The following PSTPIP2 variants were observed in gnomAD, a reference collection of about 807,000 sequenced individuals.
PSTPIP2 encodes proline-serine-threonine phosphatase-interacting protein 2.
In PSTPIP2, 33 loss-of-function variants were observed where a neutral mutation model predicts 63.3. The observed-to-expected ratio is 0.52, with a 90% CI of 0.40 to 0.70. The LOEUF is 0.70. Ranked by LOEUF, PSTPIP2 falls within the 30% of genes least tolerant of loss-of-function variation. PSTPIP2 has a pLI of 0.00. For missense variants in PSTPIP2, 312 were observed against 400.7 expected (o/e 0.78, Z 1.89); for synonymous variants, 125 against 132.7 (o/e 0.94, Z 0.40).
chr18:45,993,280 A>G (rs1047353567), intron 10 of PSTPIP2, among the ~76,000 whole-genome samples: 4 of 151,910 alleles, frequency 2.6e-5, no homozygotes, highest in African/African-American at 9.7e-5. Context: ...TTTTTAGTAG[A>G]GACGGAGTTT....
At chr18:45,988,138 G>C (rs1040648165) in intron 14 of PSTPIP2, among the ~76,000 whole-genome samples, 2 of 152,050 alleles carry the variant, frequency 1.3e-5, no homozygotes, top group Non-Finnish European at 2.9e-5. Flanking sequence ...CTTAATAAGA[G>C]CAGATAAAGA....
At chr18:45,994,786 A>G (rs1251871433) in intron 9 of PSTPIP2, among the ~76,000 whole-genome samples, 1 of 152,088 alleles carries the variant, frequency 6.6e-6, no homozygotes, top group East Asian at 1.9e-4. Context: ...AAGCAAATGC[A>G]TTATTTCACC....
intron 9 of PSTPIP2, among the ~76,000 whole-genome samples, chr18:45,996,199 A>G (rs2051592612): frequency 6.6e-6 from 1 of 152,160 alleles, no homozygotes; most frequent in Non-Finnish European, 1.5e-5. Context: ...CATGCCCAAG[A>G]AGGTGGGGAA....
At chr18:45,988,877 G>T in intron 13 of PSTPIP2, 118 bp from the exon 14 acceptor site, 14 of 795,878 alleles carry the variant, frequency 1.8e-5, no homozygotes, top group East Asian at 2.6e-5. Context: ...TTTGTAAAGA[G>T]AAAATAGATC....
At chr18:46,050,305 C>T (rs1297028546) in intron 1 of PSTPIP2, among the ~76,000 whole-genome samples, 3 of 152,146 alleles carry the variant, frequency 2.0e-5, no homozygotes, top group Non-Finnish European at 2.9e-5. Flanking sequence ...TGCAGTGGTT[C>T]ACAATCATAA....
chr18:46,015,906 G>C lies in PSTPIP2; in HGVS notation c.244C>G (p.Gln82Glu). The C allele has an allele frequency of 6.2e-7, 1 of 1,611,850 alleles. No homozygotes were observed. The highest frequency in any genetic ancestry group is 2.2e-5 in the East Asian group (1 of 44,822). ...TLKRALEVFK[Q>E]QVDNVAQCHI... ...TTTTAAAAAAAAAATCACTTACGCT[G>C]CTTGAAGACTTCAAGGGCCCGCTTC... The change falls in exon 4 of 15, where the codon CAG becomes GAG. Residue 82 changes from glutamine (Q) to glutamate (E), a missense_variant. Gln to Glu is a conservative substitution (Grantham distance 29, BLOSUM62 2). Coordinates refer to ENST00000409746, the MANE Select transcript of PSTPIP2 (RefSeq NM_024430.4).
rs989556785 is a variant in PSTPIP2 at position 45,985,580 on chromosome 18, T to G, written c.*9-130A>C. 6.5e-5 allele frequency: 52 copies of G among 803,878 alleles called. No individual in the cohort carries two copies. The South Asian group carries it at 9.0e-4, about 14-fold the overall frequency. The allele number at this position is 803,878 out of a possible 1,614,324, so 49.8% of individuals were successfully genotyped here. A position where few individuals can be genotyped will look rare whatever the true frequency, so the allele number is the denominator to read the frequency against. On this transcript the variant is annotated intron_variant, in intron 14 of 14. Coordinates refer to ENST00000409746, the MANE Select transcript of PSTPIP2 (RefSeq NM_024430.4). ...AAAACAAATGGTGAGGAATGGGTAT[T>G]CCAAGCAATGAGAAATGGAATGTGA...
chr18:46,070,972 A>T (rs1909373124), intron 1 of PSTPIP2, among the ~76,000 whole-genome samples: 1 of 152,120 alleles, frequency 6.6e-6, no homozygotes. Flanking sequence ...GGGATCCCCC[A>T]GTCCTCCATT....
intron 1 of PSTPIP2, among the ~76,000 whole-genome samples, chr18:46,064,159 T>C (rs1909086432): frequency 6.6e-6 from 1 of 152,158 alleles, no homozygotes; most frequent in Non-Finnish European, 1.5e-5. Flanking sequence ...TAGGCCACTG[T>C]TGTTTTGGGG....
intron 8 of PSTPIP2, 130 bp from the exon 9 acceptor site, chr18:45,997,958 C>G (rs1022029138): frequency 5.5e-6 from 4 of 733,690 alleles, no homozygotes; most frequent in Non-Finnish European, 9.6e-6. Flanking sequence ...GCCCCCAGGA[C>G]TCTGAGCACT....
intron 5 of PSTPIP2, 145 bp downstream of exon 5, chr18:46,011,036 G>A: frequency 1.5e-6 from 1 of 678,656 alleles, no homozygotes; most frequent in Non-Finnish European, 2.6e-6. Context: ...TCTGGACTGA[G>A]TCCCCATGTG....
intron 1 of PSTPIP2, among the ~76,000 whole-genome samples, chr18:46,067,172 C>T (rs941127855): frequency 6.6e-6 from 1 of 152,086 alleles, no homozygotes; most frequent in Non-Finnish European, 1.5e-5. Context: ...AGGAAACAGC[C>T]CTCCTGGTGT....
intron 2 of PSTPIP2, among the ~76,000 whole-genome samples, chr18:46,037,175 G>A (rs957118577): frequency 2.3e-4 from 35 of 152,072 alleles, no homozygotes; most frequent in Admixed American, 6.6e-4. Flanking sequence ...GTTTTGAGAC[G>A]GAGTTTCACT....
intron 1 of PSTPIP2, among the ~76,000 whole-genome samples, chr18:46,041,686 T>C (rs1908200835): frequency 6.6e-6 from 1 of 152,144 alleles, no homozygotes; most frequent in Non-Finnish European, 1.5e-5. Flanking sequence ...AACAAATCAG[T>C]CCACTAAATA....
Position 46,006,360 on chromosome 18 carries a change from C to CTTTTTTTTTTT in PSTPIP2, c.355-840_355-830dup, listed in dbSNP as rs756384731. On this transcript the variant is annotated intron_variant, in intron 5 of 14. Coordinates refer to ENST00000409746, the MANE Select transcript of PSTPIP2 (RefSeq NM_024430.4). The stretch of plus-strand genomic sequence containing the variant: ...TGAGCCACCATGCCCAGCCCTGGTA[C>CTTTTTTTTTTT]TTTTTTTTTTTTTTTTTTTTTTTTT... Among the ~76,000 whole-genome samples the CTTTTTTTTTTT allele has an allele frequency of 6.9e-5, 8 of 115,628 alleles. 4 individuals carry two copies. The highest frequency in any genetic ancestry group is 7.4e-5 in the African/African-American group (2 of 27,084). The allele number at this position is 115,628 out of a possible 152,430, so 75.9% of individuals were successfully genotyped here. A position where few individuals can be genotyped will look rare whatever the true frequency, so the allele number is the denominator to read the frequency against.
chr18:46,039,698 C>T (rs1217866013), intron 2 of PSTPIP2, among the ~76,000 whole-genome samples: 2 of 152,148 alleles, frequency 1.3e-5, no homozygotes, highest in Non-Finnish European at 2.9e-5. Context: ...ATTTGTACCA[C>T]AGTACTAAGT....
chr18:46,053,806 C>T (rs1489927156), intron 1 of PSTPIP2, among the ~76,000 whole-genome samples: 1 of 152,162 alleles, frequency 6.6e-6, no homozygotes, highest in African/African-American at 2.4e-5. Flanking sequence ...AGCTATCAAG[C>T]CACAAGAAGA....
chr18:46,055,123 T>G (rs1908712639), intron 1 of PSTPIP2, among the ~76,000 whole-genome samples: 1 of 152,126 alleles, frequency 6.6e-6, no homozygotes, highest in African/African-American at 2.4e-5. Flanking sequence ...CTTTCCAGCC[T>G]CACTGTTATC....
chr18:46,044,310 T>C (rs1388171023), intron 1 of PSTPIP2, among the ~76,000 whole-genome samples: 1 of 152,032 alleles, frequency 6.6e-6, no homozygotes, highest in Non-Finnish European at 1.5e-5. Flanking sequence ...ACCAAAACAG[T>C]TATAGATCAA....
Sources: allele counts gnomAD v4.1 joint callset (sites outside exome capture counted in the v4.1 genomes callset), GRCh38; gene constraint gnomAD v4.1.1; transcripts MANE v1.5; gene names NCBI Gene and HGNC (gene_info 2026-07-23, HGNC 2026-07-21).